TAF1: variants seen among roughly 807,000 people sequenced by gnomAD.
The protein encoded by TAF1 is TATA-box binding protein associated factor 1.
TAF1 carries 2 observed loss-of-function variants against 138.5 expected under a neutral mutation model. That is an observed-to-expected ratio of 0.01 (90% CI 0.01 to 0.05). The LOEUF is 0.05. TAF1 is among the 10% of genes least tolerant of loss of function. The probability of loss-of-function intolerance (pLI) is 1.00; values close to 1 mark genes in which losing one functional copy is unlikely to be tolerated. For missense variants in TAF1, 709 were observed against 1,478.0 expected (o/e 0.48, Z 8.53); for synonymous variants, 437 against 503.2 (o/e 0.87, Z 1.76).
In TAF1 at chrX:71,450,402, C is replaced by T. The variant is rs369282977; in HGVS notation, c.4754-3768C>T. On this transcript the variant is annotated intron_variant, in intron 32 of 37. Transcript: ENST00000423759. ...ATTATTAGTAGAGACGGGGTTTTGC[C>T]ATGCTGGCCAGGCTGGTCTCAAACT... 3.7e-4 allele frequency among the ~76,000 whole-genome samples: 41 copies of T among 111,927 alleles called. 2 individuals are homozygous for T. The highest frequency in any genetic ancestry group is 2.9e-3 in the Admixed American group (31 of 10,565).
At chrX:71,389,722 AAG>A (rs1230332454) in intron 18 of TAF1, 57 bp downstream of exon 18, 2 of 929,038 alleles carry the variant, frequency 2.2e-6, no homozygotes, top group Non-Finnish European at 3.0e-6. Context: ...ATCCTTTTAA[AAG>A]AGACAGCTTT....
intron 29 of TAF1, 68 bp from the exon 30 acceptor site, chrX:71,423,049 C>T (rs2036434252): frequency 1.7e-6 from 2 of 1,189,772 alleles, no homozygotes; most frequent in Admixed American, 2.3e-5. Flanking sequence ...GCAAATTGTC[C>T]TTAACTTTTC....
intron 32 of TAF1, among the ~76,000 whole-genome samples, chrX:71,428,788 T>C (rs930036104): frequency 4.5e-5 from 5 of 111,670 alleles, no homozygotes; most frequent in African/African-American, 1.6e-4. Context: ...ATGCTCACAA[T>C]GTTAAGTGAG....
At chrX:71,388,600 TG>T in intron 16 of TAF1, 137 bp from the exon 17 acceptor site, 1 of 952,039 alleles carries the variant, frequency 1.1e-6, no homozygotes, top group Non-Finnish European at 1.5e-6. Flanking sequence ...ACTTAGCAGC[TG>T]GGGTTTTCTT....
intron 13 of TAF1, among the ~76,000 whole-genome samples, chrX:71,477,114 T>C (rs1200872549): frequency 9.2e-6 from 1 of 108,831 alleles, no homozygotes; most frequent in Non-Finnish European, 1.9e-5. Flanking sequence ...AATTTTTGTA[T>C]TTTTAGTACA....
At chrX:71,406,362 AG>A (rs2035473037) in intron 25 of TAF1, among the ~76,000 whole-genome samples, 1 of 108,144 alleles carries the variant, frequency 9.2e-6, no homozygotes, top group Admixed American at 1.0e-4. Flanking sequence ...TGTTGGAACT[AG>A]AAGGATTCTT....
At chrX:71,518,692 CTTTTTTT>C (rs41486346) in intron 13 of TAF1, among the ~76,000 whole-genome samples, 5 of 79,166 alleles carry the variant, frequency 6.3e-5, no homozygotes, top group Non-Finnish European at 9.8e-5. Context: ...TCTTTTCTTT[CTTTTTTT>C]TTTTTTTTTT....
At chrX:71,391,542 A>T (rs940344871) in intron 18 of TAF1, among the ~76,000 whole-genome samples, 3 of 111,096 alleles carry the variant, frequency 2.7e-5, no homozygotes, top group African/African-American at 9.8e-5. Flanking sequence ...AATTTTTTTT[A>T]AATTAAAAAT....
At chrX:71,443,569 T>C (rs1037850546) in intron 32 of TAF1, among the ~76,000 whole-genome samples, 9 of 111,854 alleles carry the variant, frequency 8.0e-5, no homozygotes, top group Admixed American at 1.9e-4. Context: ...TGGGCTGAGA[T>C]GATGGGGTTT....
rs1001237534 is a variant in TAF1, at chrX:71,464,325, C to G, written c.*279C>G. 21 of 375,495 alleles carry G rather than the reference C, an allele frequency of 5.6e-5. No homozygotes were observed. Among genetic ancestry groups the G allele is most frequent in the Non-Finnish European group, 8.6e-5 (19 of 220,318 alleles). The allele number at this position is 375,495 out of a possible 1,213,427, so 30.9% of individuals were successfully genotyped here. A position where few individuals can be genotyped will look rare whatever the true frequency, so the allele number is the denominator to read the frequency against. On this transcript the variant is annotated 3_prime_UTR_variant, in exon 38 of 38. Coordinates refer to ENST00000423759, the MANE Select transcript of TAF1 (RefSeq NM_004606.5). ...TTTCCGTGTCCTCCTTTATTTAACTCCATTTATTGCTTTTGGTATAATTTT... is the reference window on the plus strand; with the variant it reads ...TTTCCGTGTCCTCCTTTATTTAACTGCATTTATTGCTTTTGGTATAATTTT...
intron 37 of TAF1, 180 bp downstream of exon 37, chrX:71,460,983 C>T (rs1209503199): frequency 1.9e-6 from 1 of 538,312 alleles, no homozygotes; most frequent in African/African-American, 2.3e-5. Context: ...CTTGAGGAGC[C>T]CACAGCCTAG....
At position 71,503,985 on chromosome X, in the gene TAF1, C is replaced by T. The variant is rs1224413547; in HGVS notation, c.1367-24557C>T. Among the ~76,000 whole-genome samples, 7 of 111,382 alleles carry T rather than the reference C, an allele frequency of 6.3e-5. No homozygotes were observed. In the Admixed American group the frequency reaches 6.8e-4, roughly 11 times the overall value. On this transcript the variant is annotated intron_variant and NMD_transcript_variant, in intron 13 of 14. Transcript: ENST00000373775. ...ATTTTGTAGACGTGATTGAAGTCCA[C>T]AGCCATTTGACTTTAAATAAGGGAG... is the stretch of plus-strand genomic sequence containing the variant.
intron 13 of TAF1, among the ~76,000 whole-genome samples, chrX:71,519,865 G>A (rs1274689843): frequency 9.1e-6 from 1 of 109,946 alleles, no homozygotes; most frequent in African/African-American, 3.3e-5. Flanking sequence ...GAGTGCAGTG[G>A]CTCGATCTAG....
intron 29 of TAF1, among the ~76,000 whole-genome samples, chrX:71,421,806 CTCT>C: frequency 8.9e-6 from 1 of 112,161 alleles, no homozygotes. Context: ...TCTATATTCC[CTCT>C]TCTTACTGAA....
intron 37 of TAF1, among the ~76,000 whole-genome samples, chrX:71,462,434 G>A (rs1228634704): frequency 9.1e-6 from 1 of 110,098 alleles, no homozygotes; most frequent in African/African-American, 3.3e-5. Flanking sequence ...AAATTAGCTG[G>A]GCCTGGTCAC....
At chrX:71,384,567 A>G (rs2034102653) in intron 13 of TAF1, among the ~76,000 whole-genome samples, 1 of 110,462 alleles carries the variant, frequency 9.1e-6, no homozygotes, top group Non-Finnish European at 1.9e-5. Context: ...GTGCCACCAC[A>G]CCCAGCTAAT....
intron 15 of TAF1, among the ~76,000 whole-genome samples, chrX:71,387,771 T>TA (rs1158705762): frequency 1.8e-5 from 2 of 111,357 alleles, no homozygotes; most frequent in Non-Finnish European, 3.8e-5. Flanking sequence ...CCGTCTCTAC[T>TA]AAAAATACAA....
chrX:71,390,717 C>T (rs886602670), intron 18 of TAF1, among the ~76,000 whole-genome samples: 9 of 111,590 alleles, frequency 8.1e-5, no homozygotes, highest in Admixed American at 2.9e-4. Flanking sequence ...GTCTCACGGC[C>T]GGGCGCGGTG....
At chrX:71,413,718 T>A (rs1357672540) in intron 28 of TAF1, 2 of 111,638 alleles carry the variant, frequency 1.8e-5, no homozygotes, top group African/African-American at 6.5e-5. Context: ...GGCAACTTAT[T>A]GTCTGATTGT....
Sources: allele counts gnomAD v4.1 joint callset (sites outside exome capture counted in the v4.1 genomes callset), GRCh38; gene constraint gnomAD v4.1.1; transcripts MANE v1.5; gene names NCBI Gene and HGNC (gene_info 2026-07-23, HGNC 2026-07-21).